ASCC3: variants seen among roughly 807,000 people sequenced by gnomAD.
ASCC3 encodes ASC-1 complex subunit P200.
ASCC3 carries 158 observed loss-of-function variants against 256.3 expected under a neutral mutation model. The ratio of observed to expected loss-of-function variants is 0.62; its 90% CI spans 0.54 to 0.70. The LOEUF (loss-of-function observed/expected upper bound fraction) is 0.70. ASCC3 is among the 30% of genes least tolerant of loss of function. ASCC3 has a pLI of 0.00. For missense variants in ASCC3, 2,259 were observed against 2,626.0 expected, an observed-to-expected ratio of 0.86 and a Z score of 3.05; for synonymous variants, 948 against 883.4, an observed-to-expected ratio of 1.07 and a Z score of -1.30.
intron 30 of ASCC3, among the ~76,000 whole-genome samples, chr6:100,615,578 T>G (rs1479308940): frequency 2.6e-5 from 4 of 152,178 alleles, no homozygotes; most frequent in African/African-American, 9.7e-5. Flanking sequence ...AATATAAACT[T>G]TAATGAATTC....
At chr6:100,739,966 C>T (rs553355493) in intron 10 of ASCC3, among the ~76,000 whole-genome samples, 41 of 152,100 alleles carry the variant, frequency 2.7e-4, no homozygotes, top group African/African-American at 9.9e-4. Flanking sequence ...TCTCTCGTTT[C>T]CTGCTAGCTT....
At chr6:100,704,886 A>C (rs1778510620) in intron 13 of ASCC3, among the ~76,000 whole-genome samples, 1 of 152,096 alleles carries the variant, frequency 6.6e-6, no homozygotes, top group African/African-American at 2.4e-5. Context: ...TCTCTGAGGA[A>C]GTTTCTAATT....
Position 100,721,534 on chromosome 6 carries a change from T to C in ASCC3, c.1903-3283A>G, listed in dbSNP as rs1029441439. ...TAATGGACCTAGAGAATAGAGATGA[T>C]AGTTTCAGACTTCATCATACTTCAT... On this transcript the variant is annotated intron_variant, in intron 11 of 41. Transcript: ENST00000369162. 4.0e-5 allele frequency among the ~76,000 whole-genome samples: 6 copies of C among 151,860 alleles called. No individual in the cohort carries two copies. In the South Asian group the frequency reaches 1.0e-3, roughly 26 times the overall value.
At chr6:100,718,331 G>T in intron 11 of ASCC3, 80 bp from the exon 12 acceptor site, 1 of 1,241,820 alleles carries the variant, frequency 8.1e-7, no homozygotes. Flanking sequence ...CTATTAATAG[G>T]ACTTCTAAAA....
At chr6:100,709,247 A>C (rs1430584411) in intron 13 of ASCC3, among the ~76,000 whole-genome samples, 1 of 152,206 alleles carries the variant, frequency 6.6e-6, no homozygotes, top group Non-Finnish European at 1.5e-5. Context: ...GTAAATATTT[A>C]AACAAAAATA....
intron 36 of ASCC3, among the ~76,000 whole-genome samples, chr6:100,568,346 C>T (rs1337602625): frequency 5.4e-5 from 8 of 147,716 alleles, no homozygotes; most frequent in Non-Finnish European, 8.9e-5. Flanking sequence ...CCAGCCTCGG[C>T]GACAAAGTGA....
chr6:100,540,030 G>A, intron 37 of ASCC3, 133 bp downstream of exon 37: 1 of 818,722 alleles, frequency 1.2e-6, no homozygotes, highest in Admixed American at 2.0e-5. Context: ...TTCTTGATAT[G>A]ATCAACCAGT....
intron 40 of ASCC3, among the ~76,000 whole-genome samples, chr6:100,512,106 T>A (rs1483326191): frequency 1.3e-5 from 2 of 152,238 alleles, no homozygotes; most frequent in Non-Finnish European, 2.9e-5. Flanking sequence ...AAAAATACTG[T>A]ACATTTTTGC....
At chr6:100,754,246 G>C (rs1021199709) in intron 10 of ASCC3, among the ~76,000 whole-genome samples, 1 of 152,128 alleles carries the variant, frequency 6.6e-6, no homozygotes, top group South Asian at 2.1e-4. Context: ...TAAAACAAAT[G>C]TACTTTAACA....
chr6:100,630,470 TA>T (rs1487687200), intron 26 of ASCC3, among the ~76,000 whole-genome samples: 29 of 151,244 alleles, frequency 1.9e-4, no homozygotes, highest in African/African-American at 4.6e-4. Flanking sequence ...AGGATACTTA[TA>T]TTTTTTTTTT....
intron 7 of ASCC3, 30 bp downstream of exon 7, chr6:100,799,401 T>C (rs1409124529): frequency 1.1e-5 from 17 of 1,607,470 alleles, no homozygotes; most frequent in Non-Finnish European, 1.4e-5. Flanking sequence ...AGACATATTA[T>C]TGAACAGTAG....
intron 10 of ASCC3, among the ~76,000 whole-genome samples, chr6:100,738,137 G>A (rs1269355746): frequency 6.6e-6 from 1 of 152,158 alleles, no homozygotes; most frequent in African/African-American, 2.4e-5. Context: ...CAGATGGATA[G>A]ATTGAGAAAG....
intron 30 of ASCC3, among the ~76,000 whole-genome samples, chr6:100,615,171 A>G (rs1388736387): frequency 6.6e-6 from 1 of 151,940 alleles, no homozygotes; most frequent in African/African-American, 2.4e-5. Flanking sequence ...GCGTGCCACC[A>G]CACCTGGGCC....
chr6:100,604,930 C>A (rs954902398), intron 33 of ASCC3, among the ~76,000 whole-genome samples: 5 of 151,866 alleles, frequency 3.3e-5, no homozygotes, highest in Admixed American at 2.6e-4. Flanking sequence ...GTGAAAAATA[C>A]CTAAACCTGA....
chr6:100,640,799 T>C (rs1399688027), intron 24 of ASCC3, among the ~76,000 whole-genome samples: 1 of 152,148 alleles, frequency 6.6e-6, no homozygotes, highest in Non-Finnish European at 1.5e-5. Context: ...GTATAAAGTA[T>C]CTCTCTTTAA....
chr6:100,759,085 G>A (rs905022669), intron 10 of ASCC3, among the ~76,000 whole-genome samples: 1 of 151,978 alleles, frequency 6.6e-6, no homozygotes, highest in African/African-American at 2.4e-5. Flanking sequence ...TTTTTGATGG[G>A]GTTGTTTTCT....
chr6:100,778,925 T>G (rs970479535), intron 8 of ASCC3, among the ~76,000 whole-genome samples: 6 of 152,124 alleles, frequency 3.9e-5, no homozygotes, highest in African/African-American at 9.6e-5. Context: ...TCTGATTATT[T>G]TACTTCAACA....
intron 30 of ASCC3, among the ~76,000 whole-genome samples, chr6:100,616,237 G>T (rs1773657544): frequency 6.6e-6 from 1 of 152,120 alleles, no homozygotes; most frequent in South Asian, 2.1e-4. Flanking sequence ...GTTCATCTCT[G>T]TAGGTCTACT....
At chr6:100,758,755 C>G (rs1781302132) in intron 10 of ASCC3, among the ~76,000 whole-genome samples, 1 of 152,006 alleles carries the variant, frequency 6.6e-6, no homozygotes, top group Non-Finnish European at 1.5e-5. Context: ...ACTGAGTATA[C>G]CCAGTATTGA....
Sources: gnomAD v4.1 joint callset for allele counts (sites outside exome capture counted in the v4.1 genomes callset) on GRCh38, gnomAD v4.1.1 for gene constraint, MANE v1.5 for transcripts, NCBI Gene and HGNC (gene_info 2026-07-23, HGNC 2026-07-21) for gene names.